Variants in PIK3R4 observed in about 807,000 individuals in gnomAD.
PIK3R4 encodes the protein phosphoinositide 3-kinase regulatory subunit 4.
In PIK3R4, 46 loss-of-function variants were observed where a neutral mutation model predicts 136.5. That is an observed-to-expected ratio of 0.34 (90% CI 0.27 to 0.43). PIK3R4 has a LOEUF of 0.43. Among genes scored for constraint, PIK3R4 ranks in the 20% least tolerant of loss-of-function variants. The pLI is 1.00. For missense variants in PIK3R4, 1,331 were observed against 1,649.5 expected (o/e 0.81, Z 3.35); for synonymous variants, 557 against 566.7 (o/e 0.98, Z 0.24).
intron 11 of PIK3R4, 65 bp from the exon 12 acceptor site, chr3:130,705,836 T>G (rs976259083): frequency 1.2e-5 from 10 of 869,446 alleles, no homozygotes; most frequent in Middle Eastern, 3.3e-4. Flanking sequence ...GACAGAAGTG[T>G]ATGCATGTTT....
chr3:130,728,770 G>A lies in PIK3R4; in HGVS notation c.1586-86C>T, dbSNP rs1056375328. 5.6e-6 allele frequency: 5 copies of A among 890,264 alleles called. 1 individual carries two copies. The Admixed American group carries it at 9.4e-5, about 17-fold the overall frequency. The allele number at this position is 890,264 out of a possible 1,614,324, so 55.1% of individuals were successfully genotyped here. A position where few individuals can be genotyped will look rare whatever the true frequency, so the allele number is the denominator to read the frequency against. ...ATTTTTCCCCATACAGATAGTCCCA[G>A]TCTTCTTTCTTACTCATCAGAGAGA... On this transcript the variant is annotated intron_variant, in intron 5 of 19. Transcript: ENST00000356763.
intron 14 of PIK3R4, 80 bp from the exon 15 acceptor site, chr3:130,686,502 C>T: frequency 1.2e-6 from 1 of 834,642 alleles, no homozygotes; most frequent in South Asian, 1.5e-5. Flanking sequence ...ACTTTATATC[C>T]TATCCATAGT....
chr3:130,727,803 CTT>C (rs1333041077), intron 6 of PIK3R4, among the ~76,000 whole-genome samples: 8 of 152,152 alleles, frequency 5.3e-5, no homozygotes, highest in African/African-American at 1.9e-4. Flanking sequence ...TCAAACATGA[CTT>C]AACCCATGCA....
Position 130,708,440 on chromosome 3 carries a change from A to G in PIK3R4, c.2384T>C (p.Met795Thr). The G allele has an allele frequency of 6.2e-7, 1 of 1,613,586 alleles. No individual in the cohort carries two copies. Among genetic ancestry groups the G allele is most frequent in the Non-Finnish European group, 8.5e-7 (1 of 1,179,600 alleles). Residue 795 changes from methionine (M) to threonine (T), a missense_variant, in exon 10 of 20, where the codon ATG becomes ACG. Physicochemically the swap from Met to Thr is moderately conservative, Grantham distance 81 (BLOSUM62 -1). This residue lies in a region of PIK3R4 where 1,180 missense variants were observed against 1,407.0 expected (regional missense o/e 0.84). Transcript: ENST00000356763. ...DKLLALKDFM[M>T]KSNKAKANIV... is the part of the protein sequence containing the mutation. ...ATTGGCCTTTGCTTTATTAGATTTC[A>G]TCATGAAGTCTTTCAGTGCCAGAAG...
intron 7 of PIK3R4, among the ~76,000 whole-genome samples, chr3:130,720,182 G>C (rs74579803): frequency 0.014 from 2,095 of 152,210 alleles, 66 homozygotes; most frequent in Admixed American, 0.082. Context: ...CTATGAAATA[G>C]CATATTCAAT....
intron 4 of PIK3R4, among the ~76,000 whole-genome samples, chr3:130,730,797 A>C (rs2066756727): frequency 6.6e-6 from 1 of 152,152 alleles, no homozygotes; most frequent in Admixed American, 6.5e-5. Flanking sequence ...CTAACAAAGA[A>C]ACATCCACAT....
At chr3:130,709,832 T>G (rs2066624987) in intron 9 of PIK3R4, among the ~76,000 whole-genome samples, 2 of 152,188 alleles carry the variant, frequency 1.3e-5, no homozygotes, top group South Asian at 2.1e-4. Context: ...AGCAAATCCA[T>G]AGAGACAGAA....
chr3:130,722,936 G>T (rs1434218492), intron 7 of PIK3R4, among the ~76,000 whole-genome samples: 2 of 149,408 alleles, frequency 1.3e-5, no homozygotes, highest in South Asian at 2.1e-4. Context: ...ATGGTGGCAG[G>T]TGCCTGTAAC....
chr3:130,732,192 G>C (rs566479075), intron 4 of PIK3R4, among the ~76,000 whole-genome samples: 1 of 152,270 alleles, frequency 6.6e-6, no homozygotes, highest in Non-Finnish European at 1.5e-5. Flanking sequence ...GTCATATGAA[G>C]GTAATATAAC....
intron 13 of PIK3R4, among the ~76,000 whole-genome samples, chr3:130,701,619 T>TA (rs775520341): frequency 5.3e-5 from 8 of 152,008 alleles, no homozygotes; most frequent in Non-Finnish European, 1.2e-4. Context: ...AACCTCCTGG[T>TA]ATGATGGTCA....
rs368979986 is a variant in PIK3R4 at position 130,734,001 on chromosome 3, T to C, written c.997A>G (p.Lys333Glu). ...FLQPYMAQFA[K>E]ETFLSADERI... ...TCATCTGCAGAAAGAAACGTTTCCT[T>C]GGCAAACTGGGCCATGTAGGGCTGA... Residue 333 changes from lysine (K) to glutamate (E), a missense_variant, in exon 4 of 20, where the codon AAG (lysine) becomes GAG (glutamate). Transcript: ENST00000356763. 14 of 1,614,026 alleles carry C rather than the reference T, an allele frequency of 8.7e-6. No individual in the cohort carries two copies. The highest frequency in any genetic ancestry group is 1.2e-5 in the Non-Finnish European group (14 of 1,180,002).
At chr3:130,716,309 CA>C (rs1281958003) in intron 9 of PIK3R4, 86 bp downstream of exon 9, 1 of 1,079,688 alleles carries the variant, frequency 9.3e-7, no homozygotes, top group Non-Finnish European at 1.4e-6. Flanking sequence ...TCTAATCAAT[CA>C]AAAACATTTT....
At position 130,728,422 on chromosome 3, in the gene PIK3R4, T is replaced by C. The variant is rs547726524; in HGVS notation, c.1807+41A>G. ...GATTGCATGGAAGTATTTGAGAGGA[T>C]GATTAAAAATCTTAAAGGAATTTAA... On this transcript the variant is annotated intron_variant, in intron 6 of 19. Coordinates refer to ENST00000356763, the MANE Select transcript of PIK3R4 (RefSeq NM_014602.3). 71 of 1,245,078 alleles carry C rather than the reference T, an allele frequency of 5.7e-5. 1 individual carries two copies. The South Asian group carries it at 7.2e-4, about 13-fold the overall frequency. The allele number at this position is 1,245,078 out of a possible 1,614,324, so 77.1% of individuals were successfully genotyped here.
intron 9 of PIK3R4, among the ~76,000 whole-genome samples, chr3:130,712,457 T>C (rs2066637808): frequency 6.6e-6 from 1 of 151,642 alleles, no homozygotes; most frequent in Admixed American, 6.6e-5. Context: ...TCACCTGAGG[T>C]TGGGAGTTCA....
chr3:130,692,266 C>T (rs2066523797), intron 13 of PIK3R4, among the ~76,000 whole-genome samples: 1 of 152,130 alleles, frequency 6.6e-6, no homozygotes, highest in Non-Finnish European at 1.5e-5. Context: ...AGTATATTAA[C>T]AGAATTCTGC....
In PIK3R4 at chr3:130,744,615, A is replaced by G. The variant is rs750736111; in HGVS notation, c.604T>C (p.Phe202Leu). The change falls in exon 2 of 20, where the codon TTT becomes CTT. Residue 202 changes from phenylalanine to leucine, a missense_variant. Physicochemically the swap from Phe to Leu is conservative, Grantham distance 22. Transcript: ENST00000356763. ...GTGGCAAACATCCCACCATCAACAA[A>G]ACGTTCAGGAGCAATATAGCAAGTT... ...RRTCYIAPER[F>L]VDGGMFATEL... 3 of 1,614,204 alleles carry G rather than the reference A, an allele frequency of 1.9e-6. No individual in the cohort carries two copies. The East Asian group carries it at 6.7e-5, about 36-fold the overall frequency.
rs780796163 is a variant in PIK3R4, at chr3:130,690,668, A to C, written c.3099-14T>G. The C allele has an allele frequency of 6.4e-7, 1 of 1,551,360 alleles. No homozygotes were observed. The highest frequency in any genetic ancestry group is 1.2e-5 in the South Asian group (1 of 84,834). The stretch of plus-strand genomic sequence containing the variant: ...GTAAGAATAGATCTGAATGAAAGAA[A>C]AATAAAATTCATTTATGAACCAATG... On this transcript the variant is annotated splice_polypyrimidine_tract_variant and intron_variant, in intron 13 of 19. Transcript: ENST00000356763.
At chr3:130,707,763 C>A (rs2066612791) in intron 10 of PIK3R4, among the ~76,000 whole-genome samples, 1 of 152,212 alleles carries the variant, frequency 6.6e-6, no homozygotes, top group African/African-American at 2.4e-5. Flanking sequence ...TCTTAAAAAA[C>A]TTCATATAAT....
chr3:130,684,902 T>C (rs2066480869), intron 15 of PIK3R4, among the ~76,000 whole-genome samples: 1 of 152,192 alleles, frequency 6.6e-6, no homozygotes, highest in African/African-American at 2.4e-5. Flanking sequence ...CTGTGCAGTT[T>C]ATTCACACAA....
Sources: gnomAD v4.1 joint callset for allele counts (sites outside exome capture counted in the v4.1 genomes callset) on GRCh38, gnomAD v4.1.1 for gene constraint, gnomAD v4.1.1 regional missense constraint, MANE v1.5 for transcripts, NCBI Gene and HGNC (gene_info 2026-07-23, HGNC 2026-07-21) for gene names.